Variants in CROCC2 observed in about 807,000 individuals in gnomAD.
CROCC2 encodes the protein ciliary rootlet coiled-coil protein 2.
A neutral mutation model predicts 177.6 loss-of-function variants in CROCC2; 163 were observed. The ratio of observed to expected loss-of-function variants is 0.92; its 90% CI spans 0.81 to 1.05. CROCC2 has a LOEUF of 1.05. Among genes scored for constraint, CROCC2 ranks in the 50% least tolerant of loss-of-function variants. The pLI is 0.00. For missense variants in CROCC2, 1,929 were observed against 1,797.8 expected, an observed-to-expected ratio of 1.07 and a Z score of -1.32; for synonymous variants, 904 against 787.3, an observed-to-expected ratio of 1.15 and a Z score of -2.48.
At chr2:240,916,997 G>A (rs964183794) in intron 1 of CROCC2, among the ~76,000 whole-genome samples, 4 of 152,158 alleles carry the variant, frequency 2.6e-5, no homozygotes, top group Non-Finnish European at 5.9e-5. Flanking sequence ...AGGAGGAGCA[G>A]GGACTTCCCT....
rs1274452928 is a variant in CROCC2, at chr2:240,907,590, C to A, written c.78+999C>A. On this transcript the variant is annotated intron_variant, in intron 1 of 31. Transcript: ENST00000690015. ...AATGGCCACAGCTGGTGCAGGTGAC[C>A]GAGTGACAGGGTAGATGCAGGGTTT... Among the ~76,000 whole-genome samples the A allele has an allele frequency of 2.6e-5, 4 of 152,144 alleles. No homozygotes were observed. The South Asian group carries it at 8.3e-4, about 31-fold the overall frequency.
intron 28 of CROCC2, among the ~76,000 whole-genome samples, chr2:240,984,547 TCACTCCACACACACCCAGG>T (rs2059823034): frequency 1.0e-5 from 1 of 98,974 alleles, no homozygotes; most frequent in East Asian, 3.2e-4. Flanking sequence ...ACCCAGGCAC[TCACTCCACACACACCCAGG>T]CACTCACTCC....
At chr2:240,984,515 CCT>C (rs2059822473) in intron 28 of CROCC2, among the ~76,000 whole-genome samples, 1 of 151,650 alleles carries the variant, frequency 6.6e-6, no homozygotes, top group African/African-American at 2.4e-5. Flanking sequence ...GCTCTCTTGT[CCT>C]CTGTGAGCAT....
chr2:240,955,623 C>T (rs894517425), intron 18 of CROCC2: 14 of 501,424 alleles, frequency 2.8e-5, no homozygotes, highest in Non-Finnish European at 5.0e-5. Context: ...AGAGGTGGGA[C>T]GATGTCGGAC....
intron 20 of CROCC2, chr2:240,963,202 G>T: frequency 3.7e-6 from 1 of 269,810 alleles, no homozygotes; most frequent in Non-Finnish European, 7.0e-6. Context: ...GGTGGGAAGG[G>T]CCCCAGGCAG....
intron 15 of CROCC2, among the ~76,000 whole-genome samples, chr2:240,948,179 C>A (rs1026449735): frequency 6.6e-6 from 1 of 151,928 alleles, no homozygotes; most frequent in Admixed American, 6.6e-5. Context: ...GAGGAGGGAC[C>A]GGAGAGGGAG....
At chr2:240,934,677 C>G (rs1351352707) in intron 12 of CROCC2, among the ~76,000 whole-genome samples, 1 of 152,222 alleles carries the variant, frequency 6.6e-6, no homozygotes, top group Admixed American at 6.5e-5. Flanking sequence ...CCCTGCTGGC[C>G]ACGCCTGCTT....
intron 21 of CROCC2, 139 bp from the exon 22 acceptor site, chr2:240,964,327 T>C: frequency 9.5e-7 from 1 of 1,058,116 alleles, no homozygotes; most frequent in Non-Finnish European, 1.4e-6. Context: ...CAGGGAACCC[T>C]GCAGAGGCTG....
intron 2 of CROCC2, 127 bp downstream of exon 2, chr2:240,919,003 G>T (rs2059339101): frequency 4.9e-6 from 3 of 617,174 alleles, no homozygotes; most frequent in African/African-American, 4.0e-5. Context: ...GCTGGCCAAG[G>T]TGATGGCGTG....
chr2:240,906,567 A>G lies in CROCC2; in HGVS notation c.54A>G (p.Leu18=), dbSNP rs1382902134. The change falls in exon 1 of 32, where the codon CTA becomes CTG. Residue 18 remains leucine, a synonymous_variant. Transcript: ENST00000690015. The part of the protein sequence containing the change: ...PGNGDASQQP[L]LGLDTVIQRL... ...ATGGGGACGCCTCCCAACAGCCCCT[A>G]CTGGGGCTGGACACCGTGATCCAGG... The G allele has an allele frequency of 1.3e-5, 5 of 398,970 alleles. No homozygotes were observed. Among genetic ancestry groups the G allele is most frequent in the East Asian group, 1.1e-4 (3 of 28,078 alleles). The allele number at this position is 398,970 out of a possible 1,614,324, so 24.7% of individuals were successfully genotyped here.
At position 240,953,657 on chromosome 2, in the gene CROCC2, G is replaced by C. The variant is rs1039321589; in HGVS notation, c.2830-2202G>C. Among the ~76,000 whole-genome samples, 1 of 152,126 alleles carries C rather than the reference G, an allele frequency of 6.6e-6. No individual in the cohort carries two copies. Among genetic ancestry groups the C allele is most frequent in the African/African-American group, 2.4e-5 (1 of 41,432 alleles). ...GTAGAGAAATTGAGTGGAGAAGTGG[G>C]GCTGCGGGGTCTAGCAGGACACTTC... On this transcript the variant is annotated intron_variant, in intron 18 of 31. Coordinates refer to ENST00000690015, the MANE Select transcript of CROCC2 (RefSeq NM_001351305.2). This position sits in a 1 kb window ranked among gnomAD's most constrained non-coding sequence, Gnocchi z 4.0.
At chr2:240,942,159 C>A (rs2059498614) in intron 14 of CROCC2, among the ~76,000 whole-genome samples, 1 of 152,190 alleles carries the variant, frequency 6.6e-6, no homozygotes, top group Non-Finnish European at 1.5e-5. Context: ...GTTATAGCAG[C>A]ACAAATTTAC....
chr2:240,971,947 T>G (rs1269892215), intron 27 of CROCC2, among the ~76,000 whole-genome samples: 1 of 151,810 alleles, frequency 6.6e-6, no homozygotes, highest in Admixed American at 6.6e-5. Context: ...TCGGCCTGAG[T>G]TTTCATTTTG....
intron 18 of CROCC2, chr2:240,955,310 A>G (rs1574774483): frequency 6.5e-6 from 1 of 152,904 alleles, no homozygotes; most frequent in African/African-American, 2.4e-5. Flanking sequence ...CCTCCCCCAG[A>G]TGGGCCTGGG....
rs1331472249 is a variant in CROCC2, at chr2:240,935,371, G to A, written c.1952G>A (p.Arg651Gln). ...ACCTGGTGGCAGCTGGAGCAGGAGC[G>A]GGACCAGCTGCGGGAACAGCGGAAG... is the stretch of plus-strand genomic sequence containing the variant. ...NHLALQLEQE[R>Q]DQLREQRKTL... The change falls in exon 14 of 32, where the codon CGG (arginine) becomes CAG (glutamine). Residue 651 changes from arginine to glutamine, a missense_variant. Transcript: ENST00000690015. The A allele has an allele frequency of 1.3e-5, 17 of 1,357,580 alleles. No individual in the cohort carries two copies. Among genetic ancestry groups the A allele is most frequent in the South Asian group, 9.8e-5 (5 of 51,196 alleles). 84.1% of individuals were successfully genotyped at this position (1,357,580 alleles called of 1,614,324 possible). A position where few individuals can be genotyped will look rare whatever the true frequency, so the allele number is the denominator to read the frequency against.
In CROCC2 at chr2:240,918,375, G is replaced by T. The variant is rs1037930056; in HGVS notation, c.79-351G>T. Among the ~76,000 whole-genome samples, 1 of 152,210 alleles carries T rather than the reference G, an allele frequency of 6.6e-6. No homozygotes were observed. The highest frequency in any genetic ancestry group is 2.4e-5 in the African/African-American group (1 of 41,452). On this transcript the variant is annotated intron_variant, in intron 1 of 31. Coordinates refer to ENST00000690015, the MANE Select transcript of CROCC2 (RefSeq NM_001351305.2). The surrounding 1 kb of genome is among the most constrained non-coding windows in gnomAD (Gnocchi z 6.3). ...ATGTTGGGTTTCTTGTGGAGCAGAG[G>T]CAAAGGAACCTGCCTGTCAGCATCC...
chr2:240,961,422 C>G (rs1195967320), intron 20 of CROCC2, among the ~76,000 whole-genome samples: 1 of 152,050 alleles, frequency 6.6e-6, no homozygotes, highest in Non-Finnish European at 1.5e-5. Flanking sequence ...ACCAAGCACA[C>G]ACACGCATGT....
At chr2:240,967,272 A>T (rs1349781134) in intron 25 of CROCC2, 73 bp from the exon 26 acceptor site, 1 of 567,420 alleles carries the variant, frequency 1.8e-6, no homozygotes, top group East Asian at 3.0e-5. Flanking sequence ...GCTGGCCCCG[A>T]CCCTCTAGCA....
chr2:240,989,923 T>TG (rs1297762458), intron 30 of CROCC2, 90 bp downstream of exon 30: 5 of 1,263,842 alleles, frequency 4.0e-6, no homozygotes, highest in Non-Finnish European at 5.4e-6. Context: ...GGTGACTTCT[T>TG]GAAGTCCTCT....
Sources: gnomAD v4.1 joint callset for allele counts (sites outside exome capture counted in the v4.1 genomes callset) on GRCh38, gnomAD v4.1.1 for gene constraint, Gnocchi (gnomAD v3.1) non-coding constraint, MANE v1.5 for transcripts, NCBI Gene and HGNC (gene_info 2026-07-23, HGNC 2026-07-21) for gene names.